CADM2: variants seen among roughly 807,000 people sequenced by gnomAD.
CADM2 encodes immunoglobulin superfamily member 4D.
CADM2 carries 12 observed loss-of-function variants against 49.8 expected under a neutral mutation model. That is an observed-to-expected ratio of 0.24 (90% CI 0.15 to 0.39). The LOEUF (loss-of-function observed/expected upper bound fraction) is 0.39. Among genes scored for constraint, CADM2 ranks in the 10% least tolerant of loss-of-function variants. CADM2 has a pLI of 1.00. For missense variants in CADM2, 378 were observed against 492.3 expected, an observed-to-expected ratio of 0.77 and a Z score of 2.20; for synonymous variants, 214 against 175.4, an observed-to-expected ratio of 1.22 and a Z score of -1.74.
At chr3:84,961,501 A>C (rs2107036819) in intron 1 of CADM2, among the ~76,000 whole-genome samples, 1 of 152,194 alleles carries the variant, frequency 6.6e-6, no homozygotes, top group African/African-American at 2.4e-5. Flanking sequence ...CCCCATCCTC[A>C]CACAAGTAAC....
intron 1 of CADM2, among the ~76,000 whole-genome samples, chr3:85,621,365 C>T (rs1022181620): frequency 6.6e-6 from 1 of 152,004 alleles, no homozygotes; most frequent in Non-Finnish European, 1.5e-5. Flanking sequence ...ATGAAAGAAA[C>T]ATTTTTAAGA....
rs548290705 is a variant in CADM2 at position 85,866,288 on chromosome 3, C to G, written c.239-17003C>G. 6.6e-5 allele frequency among the ~76,000 whole-genome samples: 10 copies of G among 152,242 alleles called. No homozygotes were observed. The South Asian group carries it at 2.1e-3, about 31-fold the overall frequency. On this transcript the variant is annotated intron_variant, in intron 3 of 9. Transcript: ENST00000383699. ...TTTGTGCATGCTGAAATGCTATTAG[C>G]TTTTCTGGACCTACCCACCCTGTTA...
intron 1 of CADM2, among the ~76,000 whole-genome samples, chr3:85,712,242 A>G (rs1459884374): frequency 6.6e-6 from 1 of 152,208 alleles, no homozygotes; most frequent in Non-Finnish European, 1.5e-5. Flanking sequence ...TTCTCCTAAA[A>G]TAGTTGTACT....
intron 1 of CADM2, among the ~76,000 whole-genome samples, chr3:85,056,854 A>T (rs2036100204): frequency 6.6e-6 from 1 of 152,108 alleles, no homozygotes; most frequent in Non-Finnish European, 1.5e-5. Context: ...AAAAGGAAGT[A>T]AATATAGTGT....
chr3:85,234,383 C>G (rs1174662385), intron 1 of CADM2, among the ~76,000 whole-genome samples: 1 of 151,964 alleles, frequency 6.6e-6, no homozygotes, highest in Non-Finnish European at 1.5e-5. Flanking sequence ...CTGTATCTGC[C>G]TAAACAAACC....
intron 6 of CADM2, among the ~76,000 whole-genome samples, chr3:85,918,309 T>C (rs1718651106): frequency 6.6e-6 from 1 of 152,190 alleles, no homozygotes; most frequent in East Asian, 1.9e-4. Context: ...ATAGCTCTTA[T>C]TATTTTGAGA....
intron 1 of CADM2, among the ~76,000 whole-genome samples, chr3:85,038,197 C>CA (rs1274870737): frequency 6.6e-6 from 1 of 152,046 alleles, no homozygotes; most frequent in Non-Finnish European, 1.5e-5. Flanking sequence ...TGCCAAGCAG[C>CA]AAAAAGAGCA....
chr3:85,469,439 G>A (rs546949625), intron 1 of CADM2, among the ~76,000 whole-genome samples: 28 of 152,248 alleles, frequency 1.8e-4, no homozygotes, highest in Non-Finnish European at 3.5e-4. Context: ...GACACGCCAT[G>A]CAGGAATGGC....
chr3:85,489,020 T>C (rs1319451), intron 1 of CADM2, among the ~76,000 whole-genome samples: 133,143 of 152,108 alleles, frequency 0.88, 58,423 homozygotes, highest in East Asian at 0.95. Context: ...TATATTTTCC[T>C]GGGTAATATC....
intron 8 of CADM2, among the ~76,000 whole-genome samples, chr3:86,046,136 A>C (rs1436743132): frequency 6.6e-6 from 1 of 152,154 alleles, no homozygotes; most frequent in Non-Finnish European, 1.5e-5. Context: ...AGTTAGTAAG[A>C]AGCCAGTTTG....
chr3:85,415,755 A>G (rs960849247), intron 1 of CADM2, among the ~76,000 whole-genome samples: 2 of 152,172 alleles, frequency 1.3e-5, no homozygotes, highest in Non-Finnish European at 2.9e-5. Flanking sequence ...TTTTAAAGTT[A>G]TGATTTGTAT....
At chr3:85,727,952 T>C (rs147703327) in intron 2 of CADM2, among the ~76,000 whole-genome samples, 18 of 152,248 alleles carry the variant, frequency 1.2e-4, no homozygotes, top group African/African-American at 4.3e-4. Flanking sequence ...CTGGTACTTT[T>C]ATAAGAAAGT....
intron 1 of CADM2, among the ~76,000 whole-genome samples, chr3:85,610,936 C>G (rs905365754): frequency 6.6e-6 from 1 of 151,902 alleles, no homozygotes; most frequent in Non-Finnish European, 1.5e-5. Context: ...ATCATATACT[C>G]CGTTCTCTGG....
At chr3:84,988,754 A>ATC (rs1488601748) in intron 1 of CADM2, among the ~76,000 whole-genome samples, 1 of 152,060 alleles carries the variant, frequency 6.6e-6, no homozygotes, top group East Asian at 1.9e-4. Context: ...ACATTTTTTC[A>ATC]TCCTATCTTC....
At position 85,359,666 on chromosome 3, in the gene CADM2, A is replaced by ATATATATATATATATATATAT; in HGVS notation, c.62-366855_62-366854insATATATATATATATATATATT. 8.7e-4 allele frequency among the ~76,000 whole-genome samples: 23 copies of ATATATATATATATATATATAT among 26,542 alleles called. 1 individual carries two copies. The highest frequency in any genetic ancestry group is 2.2e-3 in the African/African-American group (21 of 9,376). The allele number at this position is 26,542 out of a possible 152,430, so 17.4% of individuals were successfully genotyped here. On this transcript the variant is annotated intron_variant, in intron 1 of 9. Transcript: ENST00000383699. ...TATATATATATATATATATATATATATTTTTTTTTTTGGTGGAGGGGAGAA... is the reference window on the plus strand; with the variant it reads ...TATATATATATATATATATATATATATATATATATATATATATATATTTTTTTTTTTTGGTGGAGGGGAGAA...
At chr3:85,701,967 TAGACATAGATAG>T (rs2066780564) in intron 1 of CADM2, among the ~76,000 whole-genome samples, 1 of 113,678 alleles carries the variant, frequency 8.8e-6, no homozygotes, top group East Asian at 2.7e-4. Flanking sequence ...TGTAGATAGA[TAGACATAGATAG>T]ATAGATAGAT....
chr3:85,206,543 G>C (rs758515224), intron 1 of CADM2, among the ~76,000 whole-genome samples: 2 of 151,830 alleles, frequency 1.3e-5, no homozygotes, highest in Non-Finnish European at 2.9e-5. Context: ...ACCTGACCTC[G>C]TGATCCGCCC....
intron 1 of CADM2, among the ~76,000 whole-genome samples, chr3:85,065,483 A>G (rs540701276): frequency 6.6e-6 from 1 of 152,206 alleles, no homozygotes. Flanking sequence ...ATTGAGTGGA[A>G]AATCTCAATA....
intron 1 of CADM2, among the ~76,000 whole-genome samples, chr3:85,230,220 G>A (rs1443033111): frequency 6.7e-6 from 1 of 150,168 alleles, no homozygotes; most frequent in Non-Finnish European, 1.5e-5. Flanking sequence ...GTAGACTTCA[G>A]ATCTTTGGGT....
Sources: gnomAD v4.1 joint callset for allele counts (sites outside exome capture counted in the v4.1 genomes callset) on GRCh38, gnomAD v4.1.1 for gene constraint, MANE v1.5 for transcripts, NCBI Gene and HGNC (gene_info 2026-07-23, HGNC 2026-07-21) for gene names.